Variants in ZNF609 observed in about 807,000 individuals in gnomAD.
ZNF609 encodes zinc finger protein 609.
In ZNF609, 11 loss-of-function variants were observed where a neutral mutation model predicts 109.5. The ratio of observed to expected loss-of-function variants is 0.10; its 90% CI spans 0.06 to 0.17. The LOEUF (loss-of-function observed/expected upper bound fraction) is 0.17. Among genes scored for constraint, ZNF609 ranks in the 10% least tolerant of loss-of-function variants. The pLI is 1.00. For missense variants in ZNF609, 1,559 were observed against 1,772.4 expected, an observed-to-expected ratio of 0.88 and a Z score of 2.16; for synonymous variants, 646 against 662.0, an observed-to-expected ratio of 0.98 and a Z score of 0.37.
At chr15:64,628,053 A>G (rs1273492724) in intron 3 of ZNF609, among the ~76,000 whole-genome samples, 2 of 151,402 alleles carry the variant, frequency 1.3e-5, no homozygotes, top group Non-Finnish European at 3.0e-5. Context: ...CAGATGGATC[A>G]CTTGAGCCCA....
At position 64,675,018 on chromosome 15, in the gene ZNF609, A is replaced by G. The variant is rs1337765676; in HGVS notation, c.2164A>G (p.Thr722Ala). Residue 722 changes from threonine (T) to alanine (A), a missense_variant, in exon 5 of 10, where the codon ACT becomes GCT. By Grantham distance (58) the Thr-to-Ala change is moderately conservative. Around this residue, in one of 4 missense-constraint regions of ZNF609, gnomAD observed 1,204 missense variants for 1,314.1 expected, o/e 0.92. Coordinates refer to ENST00000326648, the MANE Select transcript of ZNF609 (RefSeq NM_015042.2). The stretch of plus-strand genomic sequence containing the variant: ...ACCTTTCACAGTCAACCCTGCCTTG[A>G]CTCCAGCCAAGGACAAGAAAAAGAA... ...GEPFTVNPAL[T>A]PAKDKKKKDK... 6.2e-7 allele frequency: 1 copy of G among 1,613,812 alleles called. No individual in the cohort carries two copies.
At chr15:64,522,416 C>T (rs1277011691) in intron 2 of ZNF609, among the ~76,000 whole-genome samples, 1 of 152,182 alleles carries the variant, frequency 6.6e-6, no homozygotes, top group Non-Finnish European at 1.5e-5. Context: ...TCCCTTTAAG[C>T]ATCTTTAATT....
At chr15:64,478,745 G>C (rs767975370) in intron 1 of ZNF609, among the ~76,000 whole-genome samples, 2 of 152,142 alleles carry the variant, frequency 1.3e-5, no homozygotes, top group Non-Finnish European at 2.9e-5. Flanking sequence ...TAAGCAGACA[G>C]AGTTCTAATA....
intron 2 of ZNF609, among the ~76,000 whole-genome samples, chr15:64,609,601 T>C (rs1240903746): frequency 6.7e-6 from 1 of 150,080 alleles, no homozygotes; most frequent in East Asian, 2.0e-4. Flanking sequence ...TGAGCCACGG[T>C]GCATGGCCTC....
intron 5 of ZNF609, among the ~76,000 whole-genome samples, chr15:64,677,326 G>A (rs889274321): frequency 6.6e-6 from 1 of 152,164 alleles, no homozygotes; most frequent in Non-Finnish European, 1.5e-5. Flanking sequence ...GCCTCCCAAA[G>A]CACAGGGATT....
intron 3 of ZNF609, among the ~76,000 whole-genome samples, chr15:64,647,296 G>A (rs530352169): frequency 7.9e-5 from 12 of 152,166 alleles, no homozygotes; most frequent in South Asian, 4.1e-4. Flanking sequence ...ATTAAGGGCC[G>A]TGGGGAGCAT....
At chr15:64,668,756 C>T (rs188519170) in intron 3 of ZNF609, among the ~76,000 whole-genome samples, 24 of 152,030 alleles carry the variant, frequency 1.6e-4, no homozygotes, top group African/African-American at 4.8e-4. Context: ...GAGATTGAGA[C>T]CAGCCTGACC....
At chr15:64,527,716 C>A (rs748085565) in intron 2 of ZNF609, among the ~76,000 whole-genome samples, 6 of 152,160 alleles carry the variant, frequency 3.9e-5, no homozygotes, top group Non-Finnish European at 7.3e-5. Context: ...TACTTCTGCC[C>A]AGTCACCCAA....
intron 2 of ZNF609, among the ~76,000 whole-genome samples, chr15:64,600,727 GA>G (rs887599394): frequency 1.3e-5 from 2 of 149,752 alleles, no homozygotes; most frequent in African/African-American, 2.5e-5. Flanking sequence ...GGGAAAGAAA[GA>G]AAAAAAAGAA....
chr15:64,641,703 C>T (rs771251303), intron 3 of ZNF609, among the ~76,000 whole-genome samples: 15 of 152,068 alleles, frequency 9.9e-5, no homozygotes, highest in Admixed American at 2.0e-4. Flanking sequence ...TCCCAGTCCC[C>T]AGATCTCACC....
rs1335318358 is a variant in ZNF609, at chr15:64,681,005, C to G, written c.4162+143C>G. The G allele has an allele frequency of 1.2e-5, 11 of 898,326 alleles. No individual in the cohort carries two copies. In the East Asian group the frequency reaches 1.6e-4, roughly 13 times the overall value. 55.6% of individuals were successfully genotyped at this position (898,326 alleles called of 1,614,324 possible). A position where few individuals can be genotyped will look rare whatever the true frequency, so the allele number is the denominator to read the frequency against. ...AATTTTTTTTTTTTGAGCTTCTAAT[C>G]TGTGCACAGTCCTAACCTCCTGCAG... On this transcript the variant is annotated intron_variant, in intron 8 of 9. Transcript: ENST00000326648.
rs74245445 is a variant in ZNF609 at position 64,618,664 on chromosome 15, G to T, written c.748-4163G>T. Among the ~76,000 whole-genome samples, 169 of 152,252 alleles carry T rather than the reference G, an allele frequency of 1.1e-3. 1 individual carries two copies. The East Asian group carries it at 0.031, about 28-fold the overall frequency. ...TGGAGTTCAGCTACTCAGCGGCCCA[G>T]GCTCTTCTCCAAATGCCCCAGCCAA... On this transcript the variant is annotated intron_variant, in intron 2 of 9. Coordinates refer to ENST00000326648, the MANE Select transcript of ZNF609 (RefSeq NM_015042.2).
chr15:64,500,109 G>A lies in ZNF609; in HGVS notation c.690G>A (p.Pro230=), dbSNP rs199810505. 4.3e-6 allele frequency: 7 copies of A among 1,613,984 alleles called. No individual in the cohort carries two copies. The highest frequency in any genetic ancestry group is 4.5e-5 in the East Asian group (2 of 44,866). ...CGCTCAATCCTTTGGGAACTAAACCGGAGCCAGAGGAAGGGGAGAATGAGT... is the reference window on the plus strand; with the variant it reads ...CGCTCAATCCTTTGGGAACTAAACCAGAGCCAGAGGAAGGGGAGAATGAGT... ...GAALNPLGTK[P]EPEEGENECR... is the part of the protein sequence containing the mutation. Residue 230 remains proline, a synonymous_variant, in exon 2 of 10, where the codon CCG becomes CCA. Transcript: ENST00000326648.
intron 2 of ZNF609, chr15:64,593,146 G>A (rs1895330670): frequency 1.0e-5 from 16 of 1,577,516 alleles, no homozygotes; most frequent in Middle Eastern, 1.9e-4. Flanking sequence ...TTTCTGAAGC[G>A]AGCGTCTTCG....
chr15:64,479,729 G>A (rs1566994257), intron 1 of ZNF609, among the ~76,000 whole-genome samples: 1 of 152,016 alleles, frequency 6.6e-6, no homozygotes, highest in Non-Finnish European at 1.5e-5. Context: ...GACTAGCCTA[G>A]CCAATGTGGT....
chr15:64,570,931 C>A (rs1010950739), intron 2 of ZNF609, among the ~76,000 whole-genome samples: 6 of 152,138 alleles, frequency 3.9e-5, no homozygotes, highest in Admixed American at 3.9e-4. Context: ...GAGGCTGAGG[C>A]AGGAGAATCA....
intron 2 of ZNF609, chr15:64,502,671 G>C (rs935705234): frequency 6.6e-6 from 1 of 152,184 alleles, no homozygotes; most frequent in Non-Finnish European, 1.5e-5. Flanking sequence ...ACTGGGAACT[G>C]TCATGAAGAG....
rs376750067 is a variant in ZNF609, at chr15:64,515,623, A to T, written c.747+15457A>T. 1.7e-3 allele frequency among the ~76,000 whole-genome samples: 252 copies of T among 152,198 alleles called. 9 individuals are homozygous for T. In the South Asian group the frequency reaches 0.049, roughly 30 times the overall value. ...CTTAAAATAATGTCCCCTCTGAACC[A>T]TCTAATCACCTCCTTAGAACTAAGC... On this transcript the variant is annotated intron_variant, in intron 2 of 9. Transcript: ENST00000326648.
chr15:64,512,755 G>T (rs1893752420), intron 2 of ZNF609, among the ~76,000 whole-genome samples: 1 of 152,054 alleles, frequency 6.6e-6, no homozygotes, highest in Admixed American at 6.6e-5. Flanking sequence ...TCTTATGCCT[G>T]AAGAAGAGTA....
Sources: allele counts gnomAD v4.1 joint callset (sites outside exome capture counted in the v4.1 genomes callset), GRCh38; gene constraint gnomAD v4.1.1; regional missense constraint gnomAD v4.1.1; transcripts MANE v1.5; gene names NCBI Gene and HGNC (gene_info 2026-07-23, HGNC 2026-07-21).